Variants in MCF2L observed in about 807,000 individuals in gnomAD.
MCF2L encodes MCF.2 cell line derived transforming sequence like, also known as guanine nucleotide exchange factor DBS.
In MCF2L, 97 loss-of-function variants were observed where a neutral mutation model predicts 153.4. That is an observed-to-expected ratio of 0.63 (90% CI 0.54 to 0.75). The LOEUF is 0.75. Ranked by LOEUF, MCF2L falls within the 30% of genes least tolerant of loss-of-function variation. The pLI is 0.00. For synonymous variants in MCF2L, 659 were observed against 632.2 expected (o/e 1.04, Z -0.64); for missense variants, 1,347 against 1,495.2 (o/e 0.90, Z 1.64).
intron 1 of MCF2L, among the ~76,000 whole-genome samples, chr13:112,996,527 C>T (rs1034298356): frequency 6.6e-6 from 1 of 152,208 alleles, no homozygotes; most frequent in Non-Finnish European, 1.5e-5. Flanking sequence ...TGTTTCCCAC[C>T]ATGTGGAACG....
intron 5 of MCF2L, among the ~76,000 whole-genome samples, chr13:113,062,195 G>A (rs115429594): frequency 0.012 from 1,862 of 152,104 alleles, 45 homozygotes; most frequent in East Asian, 0.075. Flanking sequence ...CGACAAAACC[G>A]TGCAGAGCAG....
intron 1 of MCF2L, among the ~76,000 whole-genome samples, chr13:112,994,793 C>T (rs556021584): frequency 6.6e-6 from 1 of 152,302 alleles, no homozygotes; most frequent in African/African-American, 2.4e-5. Flanking sequence ...CTACACAGGT[C>T]GGGTAGAGTG....
intron 2 of MCF2L, among the ~76,000 whole-genome samples, chr13:112,940,918 C>T (rs2081569365): frequency 6.6e-6 from 1 of 152,302 alleles, no homozygotes; most frequent in South Asian, 2.1e-4. Context: ...CAGCACCTTT[C>T]TTTGCTCTGG....
rs1274343223 is a variant in MCF2L at position 113,053,206 on chromosome 13, GC to G, written c.370-7383del. The stretch of plus-strand genomic sequence containing the variant: ...CCCACACATGGGGCTTTCTCCACGT[GC>G]CCCGTCATGTCCTTCCTGTATTTGT... On this transcript the variant is annotated intron_variant, in intron 4 of 29. Coordinates refer to ENST00000535094, the MANE Select transcript of MCF2L (RefSeq NM_001112732.3). The surrounding 1 kb of genome is among the most constrained non-coding windows in gnomAD (Gnocchi z 4.4). Among the ~76,000 whole-genome samples, 2 of 152,208 alleles carry G rather than the reference GC, an allele frequency of 1.3e-5. No individual in the cohort carries two copies. The highest frequency in any genetic ancestry group is 2.9e-5 in the Non-Finnish European group (2 of 68,046).
intron 2 of MCF2L, among the ~76,000 whole-genome samples, chr13:112,963,551 T>C (rs3011474): frequency 0.65 from 99,353 of 152,120 alleles, 32,750 homozygotes; most frequent in Non-Finnish European, 0.71. Flanking sequence ...TCCCTGCACC[T>C]GTGTCTCCAG....
At position 113,014,856 on chromosome 13, in the gene MCF2L, A is replaced by G. The variant is rs761140766; in HGVS notation, c.163+10A>G. 2.5e-6 allele frequency: 4 copies of G among 1,613,152 alleles called. No homozygotes were observed. The East Asian group carries it at 6.7e-5, about 27-fold the overall frequency. ...TTTGCTTACCTGTCCGGTGAGTTCC[A>G]GAAGCTGGGATGGGGTGGAGAGGGA... On this transcript the variant is annotated intron_variant, in intron 2 of 29. Transcript: ENST00000535094.
intron 2 of MCF2L, chr13:112,956,685 C>T (rs1365425359): frequency 2.0e-5 from 3 of 152,226 alleles, no homozygotes; most frequent in African/African-American, 4.8e-5. Flanking sequence ...GCTGCTGCAG[C>T]GAGGTTGGCC....
chr13:113,084,657 G>T (rs1157314524), intron 18 of MCF2L: 2 of 575,452 alleles, frequency 3.5e-6, no homozygotes, highest in East Asian at 2.9e-5. Context: ...GCTCTGGGAA[G>T]TCAGGGGCTC....
In MCF2L at chr13:113,028,937, T is replaced by C. The variant is rs1051580412; in HGVS notation, c.278+4179T>C. Among the ~76,000 whole-genome samples, 1 of 147,406 alleles carries C rather than the reference T, an allele frequency of 6.8e-6. No individual in the cohort carries two copies. The highest frequency in any genetic ancestry group is 2.5e-5 in the African/African-American group (1 of 39,462). On this transcript the variant is annotated intron_variant, in intron 3 of 29. Transcript: ENST00000535094. This position sits in a 1 kb window ranked among gnomAD's most constrained non-coding sequence, Gnocchi z 5.4. ...GCATGTGTGGGGTAAGTGGTGTGTG[T>C]GGTATGTGTGGACTATGTGAGGCAT...
At chr13:112,909,266 T>C (rs1426981329) in intron 2 of MCF2L, 1 of 779,606 alleles carries the variant, frequency 1.3e-6, no homozygotes, top group African/African-American at 1.7e-5. Flanking sequence ...TCTCGGCATC[T>C]CGTCCACAGT....
At chr13:112,986,920 C>G (rs2082668345) in intron 1 of MCF2L, among the ~76,000 whole-genome samples, 1 of 152,258 alleles carries the variant, frequency 6.6e-6, no homozygotes, top group African/African-American at 2.4e-5. Context: ...CCACTTTTGG[C>G]CAATATGCAG....
intron 1 of MCF2L, among the ~76,000 whole-genome samples, chr13:112,895,339 G>T (rs1224217706): frequency 6.6e-6 from 1 of 152,166 alleles, no homozygotes; most frequent in Non-Finnish European, 1.5e-5. Context: ...AGGATGTGCC[G>T]GCATGGCTGT....
chr13:113,019,683 C>T (rs995893643), intron 2 of MCF2L, among the ~76,000 whole-genome samples: 1 of 152,148 alleles, frequency 6.6e-6, no homozygotes, highest in Non-Finnish European at 1.5e-5. Context: ...CCTCCAAACT[C>T]AGATGTTGAA....
Position 113,012,370 on chromosome 13 carries a change from C to A in MCF2L, c.80-2393C>A, listed in dbSNP as rs1180433094. 2.0e-5 allele frequency among the ~76,000 whole-genome samples: 2 copies of A among 98,202 alleles called. 1 individual carries two copies. The highest frequency in any genetic ancestry group is 1.0e-3 in the South Asian group (2 of 1,960). The allele number at this position is 98,202 out of a possible 152,430, so 64.4% of individuals were successfully genotyped here. On this transcript the variant is annotated intron_variant, in intron 1 of 29. Transcript: ENST00000535094. ...TGGACGGTGGACACTGTGATGCGGA[C>A]GGTGGACAGGCAGTGTGGACGGTGG...
intron 2 of MCF2L, among the ~76,000 whole-genome samples, chr13:112,935,250 A>T (rs2081503233): frequency 6.6e-6 from 1 of 152,186 alleles, no homozygotes; most frequent in African/African-American, 2.4e-5. Flanking sequence ...AATAAATTAC[A>T]TGAGATATTC....
upstream of MCF2L, among the ~76,000 whole-genome samples, chr13:112,967,253 T>C (rs2081905445): frequency 6.6e-6 from 1 of 152,162 alleles, no homozygotes; most frequent in Middle Eastern, 3.4e-3. Context: ...GCAGACCCAT[T>C]TGAGGGCACT....
chr13:113,013,687 A>G (rs567715259), intron 1 of MCF2L, among the ~76,000 whole-genome samples: 14 of 152,342 alleles, frequency 9.2e-5, no homozygotes, highest in African/African-American at 3.4e-4. Context: ...AGCCATTCTC[A>G]GGTCATCAGC....
At chr13:113,071,213 G>C (rs530196304) in intron 9 of MCF2L, among the ~76,000 whole-genome samples, 2 of 152,136 alleles carry the variant, frequency 1.3e-5, no homozygotes, top group South Asian at 4.2e-4. Context: ...TCTTATTTCT[G>C]TTGCCCATTT....
chr13:112,985,358 T>A (rs935538095), intron 1 of MCF2L: 1 of 469,546 alleles, frequency 2.1e-6, no homozygotes, highest in Non-Finnish European at 4.4e-6. Context: ...GCAGCGCGCG[T>A]CCTCCCCGGC....
Sources: allele counts gnomAD v4.1 joint callset (sites outside exome capture counted in the v4.1 genomes callset), GRCh38; gene constraint gnomAD v4.1.1; non-coding constraint Gnocchi (gnomAD v3.1); transcripts MANE v1.5; gene names NCBI Gene and HGNC (gene_info 2026-07-23, HGNC 2026-07-21).